MAP2K2: variants seen among roughly 807,000 people sequenced by gnomAD.
The protein encoded by MAP2K2 is dual specificity mitogen-activated protein kinase kinase 2.
In MAP2K2, 24 loss-of-function variants were observed where a neutral mutation model predicts 43.7. The ratio of observed to expected loss-of-function variants is 0.55; its 90% CI spans 0.40 to 0.77. The LOEUF is 0.77. MAP2K2 is among the 30% of genes least tolerant of loss of function. MAP2K2 has a pLI of 0.00. For missense variants in MAP2K2, 470 were observed against 566.8 expected, an observed-to-expected ratio of 0.83 and a Z score of 1.73; for synonymous variants, 244 against 239.7, an observed-to-expected ratio of 1.02 and a Z score of -0.17.
intron 1 of MAP2K2, among the ~76,000 whole-genome samples, chr19:4,121,958 T>C (rs533595457): frequency 7.4e-6 from 1 of 134,306 alleles, no homozygotes; most frequent in African/African-American, 2.9e-5. Flanking sequence ...TTTTCCCTGG[T>C]TGTCTATGGA....
At chr19:4,108,691 A>G (rs2041118702) in intron 3 of MAP2K2, among the ~76,000 whole-genome samples, 1 of 151,934 alleles carries the variant, frequency 6.6e-6, no homozygotes, top group Non-Finnish European at 1.5e-5. Context: ...ATTCACCAAG[A>G]ATAGAGGTTG....
Position 4,101,358 on chromosome 19 carries a change from G to A in MAP2K2, c.529-78C>T. 1 of 1,460,054 alleles carries A rather than the reference G, an allele frequency of 6.8e-7. No homozygotes were observed. The allele number at this position is 1,460,054 out of a possible 1,614,324, so 90.4% of individuals were successfully genotyped here. On this transcript the variant is annotated intron_variant, in intron 4 of 10. Coordinates refer to ENST00000262948, the MANE Select transcript of MAP2K2 (RefSeq NM_030662.4). This position sits in a 1 kb window ranked among gnomAD's most constrained non-coding sequence, Gnocchi z 6.3. ...CTGACCGAGCCCGGGGGTCAGAGCT[G>A]AGCAGTCAGAGCTGGAGCGAGGGAG...
At chr19:4,123,570 C>T (rs1236079211) in intron 1 of MAP2K2, among the ~76,000 whole-genome samples, 3 of 80,568 alleles carry the variant, frequency 3.7e-5, no homozygotes, top group East Asian at 4.5e-4. Context: ...GCCCCGTCCT[C>T]CCCCGAGGGC....
At chr19:4,106,095 A>C (rs1262822243) in intron 3 of MAP2K2, among the ~76,000 whole-genome samples, 1 of 152,188 alleles carries the variant, frequency 6.6e-6, no homozygotes, top group Non-Finnish European at 1.5e-5. Context: ...ACTGGGATTA[A>C]AGCATGCTTG....
intron 3 of MAP2K2, among the ~76,000 whole-genome samples, chr19:4,105,040 T>G (rs1014763562): frequency 3.9e-5 from 6 of 152,148 alleles, no homozygotes; most frequent in African/African-American, 1.4e-4. Flanking sequence ...AAGACCAAAG[T>G]CTGGCAGGGT....
chr19:4,117,236 G>A (rs1365415097), intron 2 of MAP2K2, among the ~76,000 whole-genome samples, 183 bp downstream of exon 2: 1 of 152,134 alleles, frequency 6.6e-6, no homozygotes, highest in African/African-American at 2.4e-5. Flanking sequence ...GGTGTGGCTG[G>A]CACGGCTCCC....
chr19:4,122,726 G>T (rs998944853), intron 1 of MAP2K2, among the ~76,000 whole-genome samples: 1 of 150,208 alleles, frequency 6.7e-6, no homozygotes, highest in African/African-American at 2.5e-5. Flanking sequence ...CATTACTCAG[G>T]GACCCCACCA....
chr19:4,116,349 G>A (rs146216078), intron 2 of MAP2K2, among the ~76,000 whole-genome samples: 109 of 152,138 alleles, frequency 7.2e-4, no homozygotes, highest in African/African-American at 2.4e-3. Context: ...TGGCCAACAC[G>A]GTGAACCCCA....
At position 4,117,413 on chromosome 19, in the gene MAP2K2, G is replaced by A. The variant is rs1214405759; in HGVS notation, c.303+6C>T. The A allele has an allele frequency of 1.2e-6, 2 of 1,611,960 alleles. No homozygotes were observed. The highest frequency in any genetic ancestry group is 1.7e-5 in the Admixed American group (1 of 59,988). On this transcript the variant is annotated splice_donor_region_variant and intron_variant, in intron 2 of 10. Coordinates refer to ENST00000262948, the MANE Select transcript of MAP2K2 (RefSeq NM_030662.4). The stretch of plus-strand genomic sequence containing the variant: ...TCCCCGACCTCCCCGACCCCGCAGT[G>A]CTCACCTTCCTGGCCATGATGAGGC...
intron 3 of MAP2K2, chr19:4,102,775 GGGGCTCAGGCA>G: frequency 1.6e-6 from 2 of 1,268,678 alleles, no homozygotes; most frequent in Non-Finnish European, 2.0e-6. Context: ...GCCGCGGCCG[GGGGCTCAGGCA>G]GCTGTGGGGC....
In MAP2K2 at chr19:4,095,621, C is replaced by T. The variant is rs1029219819; in HGVS notation, c.985-172G>A. On this transcript the variant is annotated intron_variant, in intron 8 of 10. Transcript: ENST00000262948. ...GAGGTGGCCTTCTCCCGAAAGCTCT[C>T]GTTTGAGAGTCACGGCTGCTTAGAG... 3.9e-5 allele frequency among the ~76,000 whole-genome samples: 6 copies of T among 152,178 alleles called. 1 individual carries two copies.
At chr19:4,097,214 A>AG in intron 8 of MAP2K2, 65 bp downstream of exon 8, 1 of 1,164,708 alleles carries the variant, frequency 8.6e-7, no homozygotes, top group Non-Finnish European at 1.2e-6. Context: ...CTAAAAAAAA[A>AG]AAAAAAAAAA....
chr19:4,107,682 G>A (rs2041102157), intron 3 of MAP2K2, among the ~76,000 whole-genome samples: 1 of 151,976 alleles, frequency 6.6e-6, no homozygotes, highest in South Asian at 2.1e-4. Context: ...ACTCCAACCT[G>A]GGTGACAGAG....
rs1052454485 is a variant in MAP2K2 at position 4,115,797 on chromosome 19, A to G, written c.303+1622T>C. 3.3e-5 allele frequency among the ~76,000 whole-genome samples: 5 copies of G among 152,226 alleles called. No homozygotes were observed. The highest frequency in any genetic ancestry group is 2.0e-4 in the Admixed American group (3 of 15,284). On this transcript the variant is annotated intron_variant, in intron 2 of 10. Transcript: ENST00000262948. This position sits in a 1 kb window ranked among gnomAD's most constrained non-coding sequence, Gnocchi z 4.1. ...ACGTTCCCCCAGTTTGGGGAACTACAGGATGGTGGGCTTCCAGGAAGAGGC... is the reference window on the plus strand; with the variant it reads ...ACGTTCCCCCAGTTTGGGGAACTACGGGATGGTGGGCTTCCAGGAAGAGGC...
intron 7 of MAP2K2, 107 bp from the exon 8 acceptor site, chr19:4,097,450 G>A: frequency 1.2e-6 from 1 of 811,472 alleles, no homozygotes; most frequent in Non-Finnish European, 2.1e-6. Context: ...TCCTCCACAT[G>A]CCAGCCTAAA....
rs1452610125 is a variant in MAP2K2, at chr19:4,115,800, A to T, written c.303+1619T>A. On this transcript the variant is annotated intron_variant, in intron 2 of 10. Coordinates refer to ENST00000262948, the MANE Select transcript of MAP2K2 (RefSeq NM_030662.4). This position sits in a 1 kb window ranked among gnomAD's most constrained non-coding sequence, Gnocchi z 4.1. ...TTCCCCCAGTTTGGGGAACTACAGG[A>T]TGGTGGGCTTCCAGGAAGAGGCAGC... Among the ~76,000 whole-genome samples the T allele has an allele frequency of 6.6e-6, 1 of 152,188 alleles. No individual in the cohort carries two copies. The highest frequency in any genetic ancestry group is 2.4e-5 in the African/African-American group (1 of 41,448).
At chr19:4,095,699 C>T (rs991377232) in intron 8 of MAP2K2, among the ~76,000 whole-genome samples, 49 of 151,928 alleles carry the variant, frequency 3.2e-4, no homozygotes, top group African/African-American at 1.1e-3. Flanking sequence ...TCTCGAGTGT[C>T]GTCACTTGCT....
Position 4,110,312 on chromosome 19 carries a change from A to C in MAP2K2, c.450+197T>G, listed in dbSNP as rs564646226. On this transcript the variant is annotated intron_variant, in intron 3 of 10. Coordinates refer to ENST00000262948, the MANE Select transcript of MAP2K2 (RefSeq NM_030662.4). ...ACAGAGTGAGACTGCCTCTCAAAAAAACAAAAAGAAAACAAAACAAAACCA... is the reference window on the plus strand; with the variant it reads ...ACAGAGTGAGACTGCCTCTCAAAAACACAAAAAGAAAACAAAACAAAACCA... Among the ~76,000 whole-genome samples, 8 of 152,252 alleles carry C rather than the reference A, an allele frequency of 5.3e-5. No individual in the cohort carries two copies. In the East Asian group the frequency reaches 1.4e-3, roughly 26 times the overall value.
chr19:4,100,917 G>GT, intron 6 of MAP2K2, 102 bp downstream of exon 6: 1 of 1,346,570 alleles, frequency 7.4e-7, no homozygotes. Context: ...AGACATGGGG[G>GT]TGAGAGCTGA....
Sources: allele counts gnomAD v4.1 joint callset (sites outside exome capture counted in the v4.1 genomes callset), GRCh38; gene constraint gnomAD v4.1.1; non-coding constraint Gnocchi (gnomAD v3.1); transcripts MANE v1.5; gene names NCBI Gene and HGNC (gene_info 2026-07-23, HGNC 2026-07-21).